XPO6: variants seen among roughly 807,000 people sequenced by gnomAD.
XPO6 encodes the protein exportin-6.
XPO6 carries 3 observed loss-of-function variants against 130.0 expected under a neutral mutation model. That is an observed-to-expected ratio of 0.02 (90% CI 0.01 to 0.06). The LOEUF is 0.06. Among genes scored for constraint, XPO6 ranks in the 10% least tolerant of loss-of-function variants. XPO6 has a pLI of 1.00. For synonymous variants in XPO6, 524 were observed against 548.9 expected (o/e 0.95, Z 0.63); for missense variants, 970 against 1,393.0 (o/e 0.70, Z 4.83).
chr16:28,180,553 C>T (rs1224690397), intron 2 of XPO6, among the ~76,000 whole-genome samples: 2 of 152,014 alleles, frequency 1.3e-5, no homozygotes, highest in Non-Finnish European at 2.9e-5. Flanking sequence ...AATAACCATC[C>T]AGGTGCAGTG....
At chr16:28,170,797 GTC>G (rs141476357) in intron 4 of XPO6, among the ~76,000 whole-genome samples, 1 of 152,158 alleles carries the variant, frequency 6.6e-6, no homozygotes, top group Non-Finnish European at 1.5e-5. Context: ...ACGTGTAATA[GTC>G]TCTCTACCAT....
intron 3 of XPO6, among the ~76,000 whole-genome samples, chr16:28,176,492 C>A (rs2043535729): frequency 6.6e-6 from 1 of 151,388 alleles, no homozygotes; most frequent in Non-Finnish European, 1.5e-5. Flanking sequence ...AATATGATTA[C>A]AATTAGATTT....
At chr16:28,130,534 C>A (rs1469366361) in intron 12 of XPO6, among the ~76,000 whole-genome samples, 1 of 152,150 alleles carries the variant, frequency 6.6e-6, no homozygotes. Context: ...GGCTTCTGAG[C>A]CACCAAAAAT....
At chr16:28,205,600 C>G (rs906556463) in intron 1 of XPO6, among the ~76,000 whole-genome samples, 4 of 152,166 alleles carry the variant, frequency 2.6e-5, no homozygotes, top group African/African-American at 7.2e-5. Context: ...TTATCTTCCC[C>G]ACTAAACTGA....
chr16:28,131,864 G>T (rs33037), intron 12 of XPO6, among the ~76,000 whole-genome samples: 194 of 152,268 alleles, frequency 1.3e-3, no homozygotes, highest in African/African-American at 4.4e-3. Context: ...CCTGTAAACA[G>T]CAGCCAAAAG....
intron 14 of XPO6, 149 bp from the exon 15 acceptor site, chr16:28,117,611 G>A (rs540593102): frequency 1.5e-5 from 15 of 991,280 alleles, no homozygotes; most frequent in Admixed American, 8.3e-5. Context: ...ACCGGTTCAC[G>A]TAGAACCTAA....
rs1272793198 is a variant in XPO6 at position 28,106,260 on chromosome 16, G to T, written c.2613-46C>A. On this transcript the variant is annotated intron_variant, in intron 19 of 23. Transcript: ENST00000304658. This position sits in a 1 kb window ranked among gnomAD's most constrained non-coding sequence, Gnocchi z 4.2. ...CAGTGAGCAACCACATGTTTCTCTG[G>T]GGGCCAGCATGAAAACCCATGCTGT... The T allele has an allele frequency of 1.1e-5, 17 of 1,608,414 alleles. No individual in the cohort carries two copies. The East Asian group carries it at 3.8e-4, about 36-fold the overall frequency.
intron 1 of XPO6, among the ~76,000 whole-genome samples, chr16:28,195,710 G>C (rs138125721): frequency 6.6e-6 from 1 of 152,110 alleles, no homozygotes; most frequent in African/African-American, 2.4e-5. Context: ...CAGAGATCAC[G>C]CCACTGCACT....
chr16:28,125,556 G>T, intron 13 of XPO6, 133 bp downstream of exon 13: 2 of 1,123,464 alleles, frequency 1.8e-6, no homozygotes, highest in Non-Finnish European at 2.5e-6. Flanking sequence ...TTCCCTATCA[G>T]CTTGTATGTG....
chr16:28,197,056 A>G (rs2141899433), intron 1 of XPO6, among the ~76,000 whole-genome samples: 1 of 152,338 alleles, frequency 6.6e-6, no homozygotes, highest in African/African-American at 2.4e-5. Flanking sequence ...GTTCAAGACC[A>G]GCCTAGCCAA....
At chr16:28,194,096 T>C (rs2043823890) in intron 1 of XPO6, among the ~76,000 whole-genome samples, 1 of 152,050 alleles carries the variant, frequency 6.6e-6, no homozygotes, top group South Asian at 2.1e-4. Flanking sequence ...ACTTGCAAAA[T>C]GAACTTTCAA....
Position 28,106,256 on chromosome 16 carries a change from T to C in XPO6, c.2613-42A>G, listed in dbSNP as rs1596781137. On this transcript the variant is annotated intron_variant, in intron 19 of 23. Coordinates refer to ENST00000304658, the MANE Select transcript of XPO6 (RefSeq NM_015171.4). The surrounding 1 kb of genome is among the most constrained non-coding windows in gnomAD (Gnocchi z 4.2). ...CACACAGTGAGCAACCACATGTTTC[T>C]CTGGGGGCCAGCATGAAAACCCATG... 1 of 1,609,054 alleles carries C rather than the reference T, an allele frequency of 6.2e-7. No individual in the cohort carries two copies. The highest frequency in any genetic ancestry group is 8.5e-7 in the Non-Finnish European group (1 of 1,176,172).
At chr16:28,117,556 T>G in intron 14 of XPO6, 94 bp from the exon 15 acceptor site, 1 of 1,440,194 alleles carries the variant, frequency 6.9e-7, no homozygotes, top group African/African-American at 1.4e-5. Context: ...TTGCATCCAC[T>G]GCATTTGCTG....
At chr16:28,148,331 G>A (rs1220047017) in intron 8 of XPO6, among the ~76,000 whole-genome samples, 4 of 152,198 alleles carry the variant, frequency 2.6e-5, no homozygotes, top group East Asian at 1.9e-4. Context: ...GCCCCACTGC[G>A]AGGGCTTGTG....
At chr16:28,177,091 T>A in intron 3 of XPO6, 129 bp downstream of exon 3, 1 of 480,718 alleles carries the variant, frequency 2.1e-6, no homozygotes, top group Non-Finnish European at 3.7e-6. Context: ...ATAAAGACAG[T>A]ATGTGGGACG....
rs1024247411 is a variant in XPO6 at position 28,150,557 on chromosome 16, A to G, written c.1224+2102T>C. The stretch of plus-strand genomic sequence containing the variant: ...TAGAAATAAGCAGACCTCAAACACA[A>G]AACTTTTGGGTCCAATCCAAAGAAT... On this transcript the variant is annotated intron_variant, in intron 8 of 23. Transcript: ENST00000304658. Among the ~76,000 whole-genome samples the G allele has an allele frequency of 3.3e-5, 5 of 152,136 alleles. No individual in the cohort carries two copies. In the East Asian group the frequency reaches 7.7e-4, roughly 23 times the overall value.
chr16:28,099,221 G>A (rs1406397460), intron 23 of XPO6, among the ~76,000 whole-genome samples: 2 of 152,206 alleles, frequency 1.3e-5, no homozygotes, highest in Non-Finnish European at 2.9e-5. Flanking sequence ...TGGGCGCAGC[G>A]TGGGCCATGG....
At position 28,106,858 on chromosome 16, in the gene XPO6, A is replaced by T. The variant is rs2086794861; in HGVS notation, c.2498-361T>A. On this transcript the variant is annotated intron_variant, in intron 18 of 23. Transcript: ENST00000304658. The surrounding 1 kb of genome is among the most constrained non-coding windows in gnomAD (Gnocchi z 4.2). ...GGGTCAACACCTGAGTGCTTAAGCC[A>T]TTTCCCCCTATGACTAATAATCCCT... is the stretch of plus-strand genomic sequence containing the variant. Among the ~76,000 whole-genome samples, 1 of 152,134 alleles carries T rather than the reference A, an allele frequency of 6.6e-6. No homozygotes were observed. Among genetic ancestry groups the T allele is most frequent in the East Asian group, 1.9e-4 (1 of 5,194 alleles).
chr16:28,138,520 C>T (rs2042825152), intron 9 of XPO6, among the ~76,000 whole-genome samples: 1 of 152,080 alleles, frequency 6.6e-6, no homozygotes, highest in African/African-American at 2.4e-5. Flanking sequence ...CAAACATGCA[C>T]ATAGATCACT....
Sources: allele counts gnomAD v4.1 joint callset (sites outside exome capture counted in the v4.1 genomes callset), GRCh38; gene constraint gnomAD v4.1.1; non-coding constraint Gnocchi (gnomAD v3.1); transcripts MANE v1.5; gene names NCBI Gene and HGNC (gene_info 2026-07-23, HGNC 2026-07-21).